The following NKAIN3 variants were observed in gnomAD, a reference collection of about 807,000 sequenced individuals.
The protein encoded by NKAIN3 is sodium/potassium transporting ATPase interacting 3.
Under a neutral mutation model 30.2 loss-of-function variants are expected in NKAIN3, and 25 were observed. The ratio of observed to expected loss-of-function variants is 0.83; its 90% CI spans 0.60 to 1.16. The LOEUF (loss-of-function observed/expected upper bound fraction) is 1.16, where lower values mean the gene tolerates loss of function less well. Among genes scored for constraint, NKAIN3 ranks in the 50% most tolerant of loss-of-function variants. NKAIN3 has a pLI of 0.00. For missense variants in NKAIN3, 225 were observed against 254.1 expected, an observed-to-expected ratio of 0.89 and a Z score of 0.78; for synonymous variants, 91 against 89.6, an observed-to-expected ratio of 1.02 and a Z score of -0.09.
intron 1 of NKAIN3, among the ~76,000 whole-genome samples, chr8:62,302,978 A>G (rs1393441988): frequency 6.7e-6 from 1 of 150,192 alleles, no homozygotes; most frequent in Non-Finnish European, 1.5e-5. Flanking sequence ...CACATTGCAA[A>G]TCACTTGAGC....
chr8:62,590,965 C>T (rs1383289149), intron 3 of NKAIN3, among the ~76,000 whole-genome samples: 12 of 151,864 alleles, frequency 7.9e-5, no homozygotes, highest in Admixed American at 7.9e-4. Context: ...TGTAGTTCAC[C>T]ACTAATTTCT....
intron 4 of NKAIN3, among the ~76,000 whole-genome samples, chr8:62,802,543 A>C (rs1818106017): frequency 1.3e-5 from 2 of 152,134 alleles, no homozygotes; most frequent in Admixed American, 6.5e-5. Flanking sequence ...GAAATAAAAT[A>C]CTTTACAGAC....
chr8:62,943,402 T>C (rs1823025698), intron 5 of NKAIN3, among the ~76,000 whole-genome samples: 1 of 152,094 alleles, frequency 6.6e-6, no homozygotes, highest in Non-Finnish European at 1.5e-5. Context: ...GATGTTGGCA[T>C]GGATGTGGTG....
intron 4 of NKAIN3, among the ~76,000 whole-genome samples, chr8:62,865,106 G>C (rs1273784372): frequency 6.6e-6 from 1 of 151,994 alleles, no homozygotes; most frequent in East Asian, 1.9e-4. Flanking sequence ...AATATTTCGA[G>C]GAGTTTTTCA....
At chr8:62,619,591 G>C (rs1811562530) in intron 3 of NKAIN3, among the ~76,000 whole-genome samples, 1 of 151,656 alleles carries the variant, frequency 6.6e-6, no homozygotes, top group Non-Finnish European at 1.5e-5. Context: ...ATAAAACCAA[G>C]CTGTGCCCCT....
At chr8:62,875,231 A>G (rs958591706) in intron 4 of NKAIN3, among the ~76,000 whole-genome samples, 2 of 152,162 alleles carry the variant, frequency 1.3e-5, no homozygotes, top group Non-Finnish European at 2.9e-5. Flanking sequence ...CACAATGGCT[A>G]CAAAGAGAAT....
At chr8:62,797,887 C>A (rs1817916173) in intron 4 of NKAIN3, among the ~76,000 whole-genome samples, 1 of 152,126 alleles carries the variant, frequency 6.6e-6, no homozygotes, top group Non-Finnish European at 1.5e-5. Context: ...GACCCTCACA[C>A]AAGGAGAATG....
At chr8:62,656,245 T>A (rs1054007237) in intron 3 of NKAIN3, among the ~76,000 whole-genome samples, 1 of 152,158 alleles carries the variant, frequency 6.6e-6, no homozygotes, top group African/African-American at 2.4e-5. Context: ...AACAACTTAT[T>A]CTCATCTCAG....
chr8:62,816,658 G>T (rs1818692834), intron 4 of NKAIN3, among the ~76,000 whole-genome samples: 1 of 152,046 alleles, frequency 6.6e-6, no homozygotes, highest in South Asian at 2.1e-4. Context: ...TTGGTGCTGG[G>T]GTCAGCGCTG....
intron 4 of NKAIN3, among the ~76,000 whole-genome samples, chr8:62,912,848 T>C (rs11994942): frequency 1 from 152,215 of 152,216 alleles, 76,107 homozygotes; most frequent in Non-Finnish European, 1. Flanking sequence ...GGCAGAGGTT[T>C]TGGTGAGCTG....
At chr8:62,567,034 T>C (rs1157021074) in intron 1 of NKAIN3, among the ~76,000 whole-genome samples, 25 of 152,176 alleles carry the variant, frequency 1.6e-4, no homozygotes, top group Non-Finnish European at 1.5e-5. Context: ...GCTTTATAAG[T>C]ACTTCTGTAG....
chr8:62,297,479 A>G (rs1360986743), intron 1 of NKAIN3, among the ~76,000 whole-genome samples: 1 of 152,116 alleles, frequency 6.6e-6, no homozygotes, highest in Non-Finnish European at 1.5e-5. Flanking sequence ...TTTACAAGAA[A>G]AAAACAAACA....
At chr8:62,475,982 G>A (rs1228374043) in intron 1 of NKAIN3, among the ~76,000 whole-genome samples, 1 of 152,028 alleles carries the variant, frequency 6.6e-6, no homozygotes, top group African/African-American at 2.4e-5. Context: ...ATTTTCATGA[G>A]ATTCATAATA....
At position 62,974,173 on chromosome 8, in the gene NKAIN3, T is replaced by TA. The variant is rs1311793268; in HGVS notation, c.*8769dup. ...GCTCTTTTTGGTTCCCTATGAAATT[T>TA]AAAGTAGTTTTTTCTAATTCTGTGA... On this transcript the variant is annotated 3_prime_UTR_variant, in exon 7 of 7. Coordinates refer to ENST00000623646, the MANE Select transcript of NKAIN3 (RefSeq NM_001304533.3). Among the ~76,000 whole-genome samples the TA allele has an allele frequency of 4.0e-5, 6 of 151,134 alleles. No individual in the cohort carries two copies. The highest frequency in any genetic ancestry group is 7.4e-5 in the Non-Finnish European group (5 of 67,822).
intron 4 of NKAIN3, among the ~76,000 whole-genome samples, chr8:62,752,585 C>T (rs1816319990): frequency 6.6e-6 from 1 of 152,134 alleles, no homozygotes; most frequent in African/African-American, 2.4e-5. Flanking sequence ...AATATATTCT[C>T]ATATTTTCAT....
At chr8:62,399,265 G>A (rs1206451209) in intron 1 of NKAIN3, among the ~76,000 whole-genome samples, 1 of 152,134 alleles carries the variant, frequency 6.6e-6, no homozygotes, top group African/African-American at 2.4e-5. Flanking sequence ...CAGCACTTCG[G>A]GAGGCCGAGG....
chr8:62,744,242 A>G (rs1001623188), intron 3 of NKAIN3, among the ~76,000 whole-genome samples: 2 of 152,194 alleles, frequency 1.3e-5, no homozygotes, highest in Non-Finnish European at 2.9e-5. Flanking sequence ...CTCCCACACA[A>G]AAAACTTAAG....
chr8:62,536,740 A>G (rs1401911190), intron 1 of NKAIN3, among the ~76,000 whole-genome samples: 1 of 152,218 alleles, frequency 6.6e-6, no homozygotes, highest in East Asian at 1.9e-4. Flanking sequence ...GTTAGAGTTC[A>G]GATGGGTTAC....
intron 3 of NKAIN3, among the ~76,000 whole-genome samples, chr8:62,607,531 G>T (rs1384304292): frequency 6.6e-6 from 1 of 152,108 alleles, no homozygotes; most frequent in Non-Finnish European, 1.5e-5. Flanking sequence ...TCTTCTTCCT[G>T]TGCAATCCTG....
Sources: allele counts gnomAD v4.1 joint callset (sites outside exome capture counted in the v4.1 genomes callset), GRCh38; gene constraint gnomAD v4.1.1; transcripts MANE v1.5; gene names NCBI Gene and HGNC (gene_info 2026-07-23, HGNC 2026-07-21).